The following PCDHGA2 variants were observed in gnomAD, a reference collection of about 807,000 sequenced individuals.
The protein encoded by PCDHGA2 is protocadherin gamma subfamily A, 2.
A neutral mutation model predicts 59.2 loss-of-function variants in PCDHGA2; 40 were observed. That is an observed-to-expected ratio of 0.68 (90% CI 0.52 to 0.88). The LOEUF is 0.88. PCDHGA2 is among the 40% of genes least tolerant of loss of function. The pLI is 0.00. For missense variants in PCDHGA2, 1,226 were observed against 1,204.0 expected (o/e 1.02, Z -0.27); for synonymous variants, 560 against 526.0 (o/e 1.06, Z -0.89).
chr5:141,343,178 C>A, intron 1 of PCDHGA2: 1 of 484,858 alleles, frequency 2.1e-6, no homozygotes, highest in Non-Finnish European at 2.7e-6. Context: ...CACCTTAAAT[C>A]CCCAAACATA....
chr5:141,372,265 G>A, intron 1 of PCDHGA2: 1 of 1,613,132 alleles, frequency 6.2e-7, no homozygotes, highest in African/African-American at 1.3e-5. Context: ...CTGCGCACGG[G>A]TGAGGTGCGC....
rs756243026 is a variant in PCDHGA2, at chr5:141,487,478, T to C, written c.2425-7329T>C. On this transcript the variant is annotated intron_variant, in intron 1 of 3. Transcript: ENST00000394576. This position sits in a 1 kb window ranked among gnomAD's most constrained non-coding sequence, Gnocchi z 5.0. ...CAAGTTTGTTGATGTGGGAGGCCAC[T>C]CTCATGGCTGTACACCCTTGGCTTC... is the stretch of plus-strand genomic sequence containing the variant. 6 of 1,614,078 alleles carry C rather than the reference T, an allele frequency of 3.7e-6. No individual in the cohort carries two copies. In the Admixed American group the frequency reaches 1.0e-4, roughly 27 times the overall value.
At chr5:141,437,862 C>T (rs535370570) in intron 1 of PCDHGA2, among the ~76,000 whole-genome samples, 5 of 152,002 alleles carry the variant, frequency 3.3e-5, no homozygotes, top group African/African-American at 9.6e-5. Context: ...CTTAGCCTCC[C>T]GAGTAGCTGG....
intron 1 of PCDHGA2, among the ~76,000 whole-genome samples, chr5:141,451,298 C>T (rs1221562397): frequency 6.6e-6 from 1 of 152,206 alleles, no homozygotes; most frequent in African/African-American, 2.4e-5. Context: ...CAAAGTCTTA[C>T]AAGGCAGCAA....
At chr5:141,380,577 C>T (rs187039576) in intron 1 of PCDHGA2, among the ~76,000 whole-genome samples, 268 of 152,102 alleles carry the variant, frequency 1.8e-3, no homozygotes, top group African/African-American at 5.8e-3. Flanking sequence ...CATATCTTGG[C>T]GGTCTAGTAA....
chr5:141,430,413 A>G lies in PCDHGA2; in HGVS notation c.2425-64394A>G, dbSNP rs1437560579. ...AAAAAAAAAGCTCACTAAAGTTTCTATTAAAGCGAATACGGTAGATTTCCA... is the reference window on the plus strand; with the variant it reads ...AAAAAAAAAGCTCACTAAAGTTTCTGTTAAAGCGAATACGGTAGATTTCCA... On this transcript the variant is annotated intron_variant, in intron 1 of 3. Coordinates refer to ENST00000394576, the MANE Select transcript of PCDHGA2 (RefSeq NM_018915.4). Among the ~76,000 whole-genome samples the G allele has an allele frequency of 2.0e-5, 3 of 151,870 alleles. No homozygotes were observed. In the South Asian group the frequency reaches 6.2e-4, roughly 31 times the overall value.
intron 1 of PCDHGA2, chr5:141,355,965 T>C: frequency 6.2e-7 from 1 of 1,613,884 alleles, no homozygotes; most frequent in South Asian, 1.1e-5. Context: ...GTGAGAACGT[T>C]CCTGTAGGCA....
At chr5:141,395,545 TGTGTGTGTGTGTG>T (rs1440813594) in intron 1 of PCDHGA2, 2 of 174,840 alleles carry the variant, frequency 1.1e-5, no homozygotes, top group Admixed American at 1.3e-4. Flanking sequence ...CTATTGTTTG[TGTGTGTGTGTGTG>T]TGTGTGTGTG....
intron 1 of PCDHGA2, chr5:141,404,914 C>T (rs1423848318): frequency 1.2e-6 from 2 of 1,613,948 alleles, no homozygotes; most frequent in Non-Finnish European, 1.7e-6. Flanking sequence ...AGCCCCCTCT[C>T]TCGGCCACTG....
At chr5:141,510,831 A>T (rs2154594660) in intron 3 of PCDHGA2, 116 bp from the exon 4 acceptor site, 1 of 1,577,022 alleles carries the variant, frequency 6.3e-7, no homozygotes, top group East Asian at 2.2e-5. Context: ...CCCAGTGCTC[A>T]GCGTGGTCAA....
Position 141,394,523 on chromosome 5 carries a change from C to A in PCDHGA2, c.2424+53128C>A, listed in dbSNP as rs373702756. ...TCCTGTACCCCGCCCTCCCCACAGACGGTTCCACTGGCGTGGAGCTGGCGC... is the reference window on the plus strand; with the variant it reads ...TCCTGTACCCCGCCCTCCCCACAGAAGGTTCCACTGGCGTGGAGCTGGCGC... On this transcript the variant is annotated intron_variant, in intron 1 of 3. Transcript: ENST00000394576. The A allele has an allele frequency of 1.1e-5, 17 of 1,614,116 alleles. No homozygotes were observed. The highest frequency in any genetic ancestry group is 5.3e-5 in the African/African-American group (4 of 74,950).
At chr5:141,430,404 A>T (rs1054341813) in intron 1 of PCDHGA2, among the ~76,000 whole-genome samples, 2 of 152,000 alleles carry the variant, frequency 1.3e-5, no homozygotes, top group African/African-American at 4.8e-5. Flanking sequence ...AAAGCTCACT[A>T]AAGTTTCTAT....
At chr5:141,410,659 C>T (rs1481225976) in intron 1 of PCDHGA2, 5 of 1,571,890 alleles carry the variant, frequency 3.2e-6, no homozygotes, top group Non-Finnish European at 4.3e-6. Flanking sequence ...ATCTAATAGT[C>T]TACTAGTTTC....
At chr5:141,371,783 G>A in intron 1 of PCDHGA2, 1 of 1,613,986 alleles carries the variant, frequency 6.2e-7, no homozygotes, top group Non-Finnish European at 8.5e-7. Flanking sequence ...ATGTAGCTGA[G>A]AACAATCCGC....
In PCDHGA2 at chr5:141,338,936, G is replaced by A; in HGVS notation, c.-36G>A. 1 of 1,522,404 alleles carries A rather than the reference G, an allele frequency of 6.6e-7. No individual in the cohort carries two copies. The highest frequency in any genetic ancestry group is 8.8e-7 in the Non-Finnish European group (1 of 1,135,354). 94.3% of individuals were successfully genotyped at this position (1,522,404 alleles called of 1,614,324 possible). ...AAGATTGGAATCCGCACTGGATGCT[G>A]GAAGTTGACTCGGAGAAAATTGCGA... On this transcript the variant is annotated 5_prime_UTR_variant, in exon 1 of 4. Coordinates refer to ENST00000394576, the MANE Select transcript of PCDHGA2 (RefSeq NM_018915.4).
Position 141,476,935 on chromosome 5 carries a change from A to G in PCDHGA2, c.2425-17872A>G. The G allele has an allele frequency of 6.2e-7, 1 of 1,614,166 alleles. No homozygotes were observed. Among genetic ancestry groups the G allele is most frequent in the Non-Finnish European group, 8.5e-7 (1 of 1,180,046 alleles). Reference sequence around the variant, plus strand: ...AAGTCCTTGCAACGGATCTGGATGAAGGCCCCAACGGTGAAATTATTTACT... The same window carrying G: ...AAGTCCTTGCAACGGATCTGGATGAGGGCCCCAACGGTGAAATTATTTACT... On this transcript the variant is annotated intron_variant, in intron 1 of 3. Transcript: ENST00000394576. This position sits in a 1 kb window ranked among gnomAD's most constrained non-coding sequence, Gnocchi z 7.6.
At chr5:141,388,513 T>A in intron 1 of PCDHGA2, 2 of 1,613,840 alleles carry the variant, frequency 1.2e-6, no homozygotes, top group Non-Finnish European at 1.7e-6. Context: ...TCCTACCACT[T>A]GACTTTGACT....
chr5:141,433,408 A>ATCTATCT (rs1413347413), intron 1 of PCDHGA2, among the ~76,000 whole-genome samples: 44 of 127,346 alleles, frequency 3.5e-4, no homozygotes, highest in African/African-American at 1.2e-3. Context: ...TCTATCTATT[A>ATCTATCT]CTTTCTTGTA....
At chr5:141,416,406 T>A (rs2096021956) in intron 1 of PCDHGA2, 1 of 152,224 alleles carries the variant, frequency 6.6e-6, no homozygotes, top group Admixed American at 6.5e-5. Context: ...TTGTCTTTTT[T>A]GTTAAATTTT....
Sources: gnomAD v4.1 joint callset for allele counts (sites outside exome capture counted in the v4.1 genomes callset) on GRCh38, gnomAD v4.1.1 for gene constraint, Gnocchi (gnomAD v3.1) non-coding constraint, MANE v1.5 for transcripts, NCBI Gene and HGNC (gene_info 2026-07-23, HGNC 2026-07-21) for gene names.